DENND2A: variants seen among roughly 807,000 people sequenced by gnomAD.
DENND2A encodes DENN domain containing 2A, also known as DENN domain-containing protein 2A.
Under a neutral mutation model 105.3 loss-of-function variants are expected in DENND2A, and 53 were observed. The ratio of observed to expected loss-of-function variants is 0.50; its 90% confidence interval spans 0.40 to 0.63. The LOEUF is 0.63. Among genes scored for constraint, DENND2A ranks in the 30% least tolerant of loss-of-function variants. DENND2A has a pLI of 0.00. For synonymous variants in DENND2A, 522 were observed against 508.4 expected (o/e 1.03, Z -0.36); for missense variants, 1,138 against 1,279.6 (o/e 0.89, Z 1.69).
intron 1 of DENND2A, among the ~76,000 whole-genome samples, chr7:140,612,033 G>C (rs1409600900): frequency 2.6e-5 from 4 of 152,114 alleles, no homozygotes; most frequent in Non-Finnish European, 1.5e-5. Flanking sequence ...CTGAGGTCTG[G>C]AGTTCGAGAC....
chr7:140,567,195 A>G lies in DENND2A; in HGVS notation c.1670T>C (p.Ile557Thr). The change falls in exon 9 of 20, where the codon ATC becomes ACC. Residue 557 changes from isoleucine (I) to threonine (T), a missense_variant. Ile to Thr is a moderately conservative substitution (Grantham distance 89). Transcript: ENST00000496613. ...PRYPSLARELIEYQERQLFEY... is the reference protein window; with the variant it reads ...PRYPSLARELTEYQERQLFEY... The stretch of plus-strand genomic sequence containing the variant: ...GAAGAGCTGCCTCTCCTGGTACTCG[A>G]TGAGTTCCCGGGCAAGTGATGGGTA... The G allele has an allele frequency of 6.2e-7, 1 of 1,613,786 alleles. No homozygotes were observed. The highest frequency in any genetic ancestry group is 8.5e-7 in the Non-Finnish European group (1 of 1,179,920).
At chr7:140,526,818 A>T (rs1796071199) in intron 15 of DENND2A, among the ~76,000 whole-genome samples, 2 of 152,186 alleles carry the variant, frequency 1.3e-5, no homozygotes, top group South Asian at 4.1e-4. Flanking sequence ...GGAAGTCCCC[A>T]GTCCTCCGGG....
At chr7:140,604,212 A>G (rs563238806) in intron 2 of DENND2A, among the ~76,000 whole-genome samples, 1 of 152,386 alleles carries the variant, frequency 6.6e-6, no homozygotes, top group South Asian at 2.1e-4. Flanking sequence ...AATTTCATGC[A>G]TCCTGTTACT....
intron 4 of DENND2A, among the ~76,000 whole-genome samples, chr7:140,586,989 C>T (rs796182837): frequency 2.5e-4 from 38 of 152,308 alleles, no homozygotes; most frequent in Middle Eastern, 3.4e-3. Flanking sequence ...AACCATCAAC[C>T]TCCCTGAAGA....
chr7:140,622,839 T>A (rs961050473), intron 1 of DENND2A, among the ~76,000 whole-genome samples: 1 of 152,156 alleles, frequency 6.6e-6, no homozygotes, highest in African/African-American at 2.4e-5. Context: ...TCCAAAGTGC[T>A]GGGATTACAG....
At chr7:140,633,211 G>A (rs1800797273) in intron 1 of DENND2A, among the ~76,000 whole-genome samples, 1 of 152,088 alleles carries the variant, frequency 6.6e-6, no homozygotes, top group South Asian at 2.1e-4. Context: ...TGTATTTTTA[G>A]TAGAGATGGG....
chr7:140,598,717 T>C (rs566644195), intron 3 of DENND2A, among the ~76,000 whole-genome samples: 7 of 152,100 alleles, frequency 4.6e-5, no homozygotes, highest in Non-Finnish European at 8.8e-5. Context: ...AGAAAAGACT[T>C]AGAAATAAAT....
rs185519345 is a variant in DENND2A, at chr7:140,528,567, C to T, written c.2328-1072G>A. 2.6e-5 allele frequency among the ~76,000 whole-genome samples: 4 copies of T among 151,496 alleles called. No individual in the cohort carries two copies. The East Asian group carries it at 7.9e-4, about 30-fold the overall frequency. ...AGTGGATCACCTGAGGTCAGGAGTT[C>T]GAGACCAGCCTGGCTAACATGGTGA... On this transcript the variant is annotated intron_variant, in intron 14 of 19. Coordinates refer to ENST00000496613, the MANE Select transcript of DENND2A (RefSeq NM_015689.5).
At chr7:140,548,848 G>A (rs1262790466) in intron 12 of DENND2A, among the ~76,000 whole-genome samples, 3 of 151,604 alleles carry the variant, frequency 2.0e-5, no homozygotes, top group Non-Finnish European at 4.4e-5. Context: ...CCCGACCTCA[G>A]GTGATCCACC....
At chr7:140,574,163 A>G (rs1798207602) in intron 5 of DENND2A, among the ~76,000 whole-genome samples, 155 bp from the exon 6 acceptor site, 1 of 152,182 alleles carries the variant, frequency 6.6e-6, no homozygotes, top group South Asian at 2.1e-4. Flanking sequence ...GTAAGTGTTC[A>G]ATGAATACAT....
intron 8 of DENND2A, 39 bp downstream of exon 8, chr7:140,568,724 T>C (rs1329980382): frequency 6.2e-7 from 1 of 1,609,784 alleles, no homozygotes; most frequent in Non-Finnish European, 8.5e-7. Context: ...AGCTTCCAAG[T>C]CACCTGCCTG....
At chr7:140,593,695 T>C (rs1346827058) in intron 3 of DENND2A, among the ~76,000 whole-genome samples, 1 of 152,100 alleles carries the variant, frequency 6.6e-6, no homozygotes, top group Non-Finnish European at 1.5e-5. Flanking sequence ...CCCTCCCACT[T>C]ACTGCCTACG....
chr7:140,560,469 A>G (rs181734096), intron 9 of DENND2A, among the ~76,000 whole-genome samples: 1 of 152,080 alleles, frequency 6.6e-6, no homozygotes, highest in Non-Finnish European at 1.5e-5. Flanking sequence ...TCTCTTTATG[A>G]TATTCTAGCA....
At chr7:140,573,775 A>T (rs376713805) in intron 6 of DENND2A, 33 bp downstream of exon 6, 11 of 1,602,538 alleles carry the variant, frequency 6.9e-6, no homozygotes, top group Non-Finnish European at 8.5e-6. Context: ...GGGGTCATGC[A>T]TACCTGAGCA....
chr7:140,598,387 C>T (rs902631887), intron 3 of DENND2A, among the ~76,000 whole-genome samples: 1 of 152,140 alleles, frequency 6.6e-6, no homozygotes, highest in African/African-American at 2.4e-5. Flanking sequence ...GATGCGTTAC[C>T]ATTAAAGTTA....
chr7:140,591,738 T>C (rs1799037967), intron 3 of DENND2A, among the ~76,000 whole-genome samples: 1 of 150,716 alleles, frequency 6.6e-6, no homozygotes, highest in Non-Finnish European at 1.5e-5. Context: ...CCTTTCTCTC[T>C]CTCTTTTCTT....
chr7:140,542,930 CT>C (rs940551225), intron 14 of DENND2A, among the ~76,000 whole-genome samples: 2 of 152,008 alleles, frequency 1.3e-5, no homozygotes, highest in African/African-American at 4.8e-5. Flanking sequence ...AGGATGGCTC[CT>C]TTTGCCTGCA....
chr7:140,607,717 C>G (rs1031809127), intron 1 of DENND2A, among the ~76,000 whole-genome samples: 1 of 152,176 alleles, frequency 6.6e-6, no homozygotes, highest in Non-Finnish European at 1.5e-5. Flanking sequence ...CTCTTCTGTC[C>G]GGCATCTGGC....
intron 9 of DENND2A, among the ~76,000 whole-genome samples, chr7:140,562,634 C>T (rs938007044): frequency 6.6e-6 from 1 of 150,982 alleles, no homozygotes; most frequent in African/African-American, 2.4e-5. Context: ...AGCACTCCAG[C>T]CTGGGTGACA....
Sources: allele counts gnomAD v4.1 joint callset (sites outside exome capture counted in the v4.1 genomes callset), GRCh38; gene constraint gnomAD v4.1.1; transcripts MANE v1.5; gene names NCBI Gene and HGNC (gene_info 2026-07-23, HGNC 2026-07-21).